The following KIF15 variants were observed in gnomAD, a reference collection of about 807,000 sequenced individuals.
KIF15 encodes the protein kinesin-like protein KIF15.
KIF15 carries 140 observed loss-of-function variants against 190.6 expected under a neutral mutation model. That is an observed-to-expected ratio of 0.73 (90% confidence interval 0.64 to 0.84). The LOEUF is 0.84. Ranked by LOEUF, KIF15 falls within the 40% of genes least tolerant of loss-of-function variation. The pLI, the probability that KIF15 is intolerant of heterozygous loss-of-function variation, is 0.00. For missense variants in KIF15, 1,372 were observed against 1,584.4 expected (o/e 0.87, Z 2.28); for synonymous variants, 528 against 551.3 (o/e 0.96, Z 0.59).
intron 1 of KIF15, 59 bp from the exon 2 acceptor site, chr3:44,774,333 GAGA>G (rs1220434632): frequency 2.1e-6 from 3 of 1,454,384 alleles, no homozygotes; most frequent in East Asian, 4.6e-5. Context: ...GAACATGTTA[GAGA>G]AGAATAGGAT....
intron 5 of KIF15, 148 bp from the exon 6 acceptor site, chr3:44,784,697 T>C: frequency 1.7e-6 from 1 of 587,126 alleles, no homozygotes; most frequent in East Asian, 3.1e-5. Flanking sequence ...AAAATTTCAA[T>C]TTCTCTCACA....
chr3:44,800,629 G>A (rs1707222900), intron 11 of KIF15, among the ~76,000 whole-genome samples, 192 bp downstream of exon 11: 1 of 152,180 alleles, frequency 6.6e-6, no homozygotes, highest in South Asian at 2.1e-4. Context: ...CAGTGAGAAG[G>A]GGGAATTAAA....
intron 7 of KIF15, among the ~76,000 whole-genome samples, chr3:44,793,555 A>C (rs909819641): frequency 4.6e-5 from 7 of 152,206 alleles, no homozygotes; most frequent in African/African-American, 1.7e-4. Context: ...GGAAAGGAAA[A>C]TAACTTCAGC....
intron 1 of KIF15, among the ~76,000 whole-genome samples, chr3:44,763,025 A>T (rs1195064444): frequency 6.6e-6 from 1 of 152,182 alleles, no homozygotes; most frequent in Non-Finnish European, 1.5e-5. Flanking sequence ...TTAATGAGAT[A>T]TATGTATGTG....
chr3:44,807,856 C>T (rs1160424886), intron 16 of KIF15, among the ~76,000 whole-genome samples: 1 of 152,024 alleles, frequency 6.6e-6, no homozygotes, highest in Non-Finnish European at 1.5e-5. Flanking sequence ...TTTATTCAAC[C>T]TGGAAAATGC....
At chr3:44,821,426 C>T (rs78620543) in intron 20 of KIF15, among the ~76,000 whole-genome samples, 8 of 134,542 alleles carry the variant, frequency 5.9e-5, no homozygotes, top group East Asian at 2.2e-4. Flanking sequence ...CGGGCAGAGA[C>T]GCTCCTCTCC....
intron 5 of KIF15, among the ~76,000 whole-genome samples, chr3:44,781,472 A>G (rs1335429426): frequency 6.6e-6 from 1 of 152,210 alleles, no homozygotes; most frequent in Non-Finnish European, 1.5e-5. Flanking sequence ...TCTACTGTTG[A>G]TAGACATTTG....
chr3:44,861,792 G>T, intron 6 of KIF15: 2 of 1,066,310 alleles, frequency 1.9e-6, no homozygotes, highest in Non-Finnish European at 2.7e-6. Flanking sequence ...CCGAGGCGCC[G>T]GAGAGCGATT....
intron 13 of KIF15, among the ~76,000 whole-genome samples, chr3:44,802,443 C>T (rs1156582842): frequency 6.6e-6 from 1 of 152,122 alleles, no homozygotes; most frequent in Non-Finnish European, 1.5e-5. Context: ...TTCTCCTGTA[C>T]ACTTTTTTGC....
At chr3:44,767,262 A>G (rs1266043680) in intron 1 of KIF15, among the ~76,000 whole-genome samples, 1 of 152,134 alleles carries the variant, frequency 6.6e-6, no homozygotes, top group Non-Finnish European at 1.5e-5. Flanking sequence ...GGAGAAAGAG[A>G]AGCAGAAAGA....
intron 19 of KIF15, among the ~76,000 whole-genome samples, chr3:44,813,833 G>A (rs1371321070): frequency 6.6e-6 from 1 of 152,110 alleles, no homozygotes; most frequent in Non-Finnish European, 1.5e-5. Flanking sequence ...GGCCAGGCTG[G>A]TCATGAACTC....
chr3:44,845,320 A>G (rs1428570338), intron 30 of KIF15, among the ~76,000 whole-genome samples: 2 of 152,112 alleles, frequency 1.3e-5, no homozygotes, highest in African/African-American at 4.8e-5. Context: ...TTCACTGGTA[A>G]TGGTAGCTTT....
intron 7 of KIF15, among the ~76,000 whole-genome samples, chr3:44,790,492 G>A (rs2125922384): frequency 6.6e-6 from 1 of 152,088 alleles, no homozygotes; most frequent in African/African-American, 2.4e-5. Flanking sequence ...ACCTGCTGTG[G>A]ACTCCTTTAT....
Position 44,813,015 on chromosome 3 carries a change from T to C in KIF15, c.2278-60T>C, listed in dbSNP as rs1052185591. 5 of 993,540 alleles carry C rather than the reference T, an allele frequency of 5.0e-6. No individual in the cohort carries two copies. The African/African-American group carries it at 6.8e-5, about 14-fold the overall frequency. 61.5% of individuals were successfully genotyped at this position (993,540 alleles called of 1,614,324 possible). ...AAAAAAAAGAAACAGGTTAATGATT[T>C]GGAGTGCATCTTAGCATGCCAGTAT... On this transcript the variant is annotated intron_variant, in intron 18 of 34. Coordinates refer to ENST00000326047, the MANE Select transcript of KIF15 (RefSeq NM_020242.3).
chr3:44,786,329 A>C, intron 6 of KIF15, 66 bp from the exon 7 acceptor site: 1 of 1,342,786 alleles, frequency 7.4e-7, no homozygotes, highest in East Asian at 2.3e-5. Flanking sequence ...TGCAAAATTA[A>C]TGCTCATGAA....
At chr3:44,827,328 G>T in intron 22 of KIF15, 131 bp from the exon 23 acceptor site, 1 of 632,814 alleles carries the variant, frequency 1.6e-6, no homozygotes, top group East Asian at 2.7e-5. Context: ...TGATCCCCCC[G>T]GAAGGTAATG....
chr3:44,775,451 G>A lies in KIF15; in HGVS notation c.246+14G>A. The A allele has an allele frequency of 6.5e-7, 1 of 1,547,080 alleles. No homozygotes were observed. The highest frequency in any genetic ancestry group is 8.7e-7 in the Non-Finnish European group (1 of 1,148,006). ...GATACCACTCAGGTAATGATAATTA[G>A]AAACTTAACTTTTTTTTTTTTTTGA... On this transcript the variant is annotated intron_variant, in intron 3 of 34. Transcript: ENST00000326047.
chr3:44,812,262 G>A lies in KIF15; in HGVS notation c.2250G>A (p.Leu750=), dbSNP rs745608577. Residue 750 remains leucine, a synonymous_variant, in exon 18 of 35, where the codon CTG becomes CTA. Transcript: ENST00000326047. The part of the protein sequence containing the change: ...NLKLQQHVDK[L]EHHSTQMQEL... ...AGCTTCAGCAGCATGTTGACAAACTGGAACATCATTCTACCCAAATGCAGG... is the reference window on the plus strand; with the variant it reads ...AGCTTCAGCAGCATGTTGACAAACTAGAACATCATTCTACCCAAATGCAGG... The A allele has an allele frequency of 1.5e-5, 24 of 1,613,816 alleles. No homozygotes were observed. The highest frequency in any genetic ancestry group is 2.0e-5 in the Non-Finnish European group (24 of 1,179,890).
At chr3:44,829,687 T>A (rs1302261143) in intron 24 of KIF15, among the ~76,000 whole-genome samples, 1 of 125,312 alleles carries the variant, frequency 8.0e-6, no homozygotes, top group Non-Finnish European at 1.6e-5. Context: ...GTATATATAT[T>A]ATAGATGTAT....
Sources: allele counts gnomAD v4.1 joint callset (sites outside exome capture counted in the v4.1 genomes callset), GRCh38; gene constraint gnomAD v4.1.1; transcripts MANE v1.5; gene names NCBI Gene and HGNC (gene_info 2026-07-23, HGNC 2026-07-21).